SFMBT2: variants seen among roughly 807,000 people sequenced by gnomAD.
SFMBT2 encodes scm-like with four MBT domains protein 2.
A neutral mutation model predicts 110.1 loss-of-function variants in SFMBT2; 38 were observed. The observed-to-expected ratio is 0.35, with a 90% confidence interval of 0.27 to 0.45. SFMBT2 has a LOEUF of 0.45. SFMBT2 is among the 20% of genes least tolerant of loss of function. The probability of loss-of-function intolerance (pLI) is 1.00; values close to 1 mark genes in which losing one functional copy is unlikely to be tolerated. For synonymous variants in SFMBT2, 425 were observed against 425.4 expected (o/e 1.00, Z 0.01); for missense variants, 1,011 against 1,094.9 (o/e 0.92, Z 1.08).
intron 4 of SFMBT2, among the ~76,000 whole-genome samples, chr10:7,326,779 A>C (rs759793146): frequency 6.6e-6 from 1 of 152,130 alleles, no homozygotes; most frequent in Non-Finnish European, 1.5e-5. Context: ...GAAAACCTCA[A>C]ATCTCTGGCT....
intron 11 of SFMBT2, among the ~76,000 whole-genome samples, chr10:7,208,648 T>C (rs1839229526): frequency 6.7e-6 from 1 of 148,896 alleles, no homozygotes; most frequent in African/African-American, 2.5e-5. Context: ...ATCACGCCAC[T>C]GCGCTCCAGC....
chr10:7,202,292 G>A (rs1410874362), intron 13 of SFMBT2, 188 bp downstream of exon 13: 1 of 292,332 alleles, frequency 3.4e-6, no homozygotes, highest in Non-Finnish European at 5.1e-6. Context: ...AGTGCCTTGG[G>A]GAGCAGGCAC....
In SFMBT2 at chr10:7,244,114, T is replaced by C. The variant is rs550253564; in HGVS notation, c.973-409A>G. ...CCAGCACCAAACTCTTTACACCAGA[T>C]CACTCAAGAATCTCCAAGATCTGGC... On this transcript the variant is annotated intron_variant, in intron 8 of 20. Transcript: ENST00000397167. 26 of 588,634 alleles carry C rather than the reference T, an allele frequency of 4.4e-5. No individual in the cohort carries two copies. The African/African-American group carries it at 4.8e-4, about 11-fold the overall frequency. The allele number at this position is 588,634 out of a possible 1,614,324, so 36.5% of individuals were successfully genotyped here.
intron 7 of SFMBT2, among the ~76,000 whole-genome samples, chr10:7,269,040 C>G (rs1327251): frequency 0.89 from 134,713 of 151,978 alleles, 59,719 homozygotes; most frequent in East Asian, 0.93. Flanking sequence ...TAACAGGGTT[C>G]GTCTTCAAGA....
chr10:7,224,634 C>T (rs1839848327), intron 10 of SFMBT2, among the ~76,000 whole-genome samples: 1 of 152,158 alleles, frequency 6.6e-6, no homozygotes, highest in Non-Finnish European at 1.5e-5. Context: ...TTCAAATAGT[C>T]GTTTTTGGTC....
intron 4 of SFMBT2, among the ~76,000 whole-genome samples, chr10:7,311,797 A>G (rs118111712): frequency 0.033 from 5,026 of 152,336 alleles, 123 homozygotes; most frequent in Non-Finnish European, 0.054. Flanking sequence ...ATGCCTCTAA[A>G]AAAGGGGGTT....
Position 7,286,445 on chromosome 10 carries a change from G to C in SFMBT2, c.437-491C>G, listed in dbSNP as rs147371739. 9.2e-5 allele frequency: 79 copies of C among 854,894 alleles called. No individual in the cohort carries two copies. In the African/African-American group the frequency reaches 1.3e-3, roughly 14 times the overall value. The allele number at this position is 854,894 out of a possible 1,614,324, so 53.0% of individuals were successfully genotyped here. A position where few individuals can be genotyped will look rare whatever the true frequency, so the allele number is the denominator to read the frequency against. On this transcript the variant is annotated intron_variant, in intron 4 of 20. Transcript: ENST00000397167. The stretch of plus-strand genomic sequence containing the variant: ...GGACTGAAGGTGAAATGGAGAAATA[G>C]AGAAATGGGGAGAATAAGTAGTCCC...
chr10:7,254,629 G>A (rs1840936775), intron 7 of SFMBT2, among the ~76,000 whole-genome samples: 1 of 151,984 alleles, frequency 6.6e-6, no homozygotes, highest in South Asian at 2.1e-4. Context: ...AGACCATCCT[G>A]GCCAACATGG....
At chr10:7,311,969 CA>C (rs1025869435) in intron 4 of SFMBT2, among the ~76,000 whole-genome samples, 3 of 151,828 alleles carry the variant, frequency 2.0e-5, no homozygotes, top group Middle Eastern at 3.4e-3. Flanking sequence ...GAAGCACTTA[CA>C]AAAAATACAG....
At chr10:7,222,210 G>A (rs1839764486) in intron 10 of SFMBT2, among the ~76,000 whole-genome samples, 1 of 152,202 alleles carries the variant, frequency 6.6e-6, no homozygotes, top group Non-Finnish European at 1.5e-5. Flanking sequence ...TGAGTAGTTT[G>A]TACAGATGCA....
At position 7,354,099 on chromosome 10, in the gene SFMBT2, A is replaced by AAAAT. The variant is rs1441630139; in HGVS notation, c.436+13549_436+13550insATTT. On this transcript the variant is annotated intron_variant, in intron 4 of 20. Coordinates refer to ENST00000397167, the MANE Select transcript of SFMBT2 (RefSeq NM_001387889.1). ...GAGACTCCCTCTCCAAAAAAAAAAA[A>AAAAT]ATATAAATAAAACAAAAAAATAAAT... 5.7e-3 allele frequency among the ~76,000 whole-genome samples: 859 copies of AAAAT among 151,330 alleles called. 11 individuals are homozygous for AAAAT. Among genetic ancestry groups the AAAAT allele is most frequent in the African/African-American group, 0.019 (800 of 41,236 alleles).
chr10:7,280,701 T>A (rs1841927408), intron 6 of SFMBT2, among the ~76,000 whole-genome samples: 1 of 152,172 alleles, frequency 6.6e-6, no homozygotes, highest in African/African-American at 2.4e-5. Flanking sequence ...CAGCAAGATA[T>A]CCTTATCCCC....
At chr10:7,294,771 C>T (rs573823939) in intron 4 of SFMBT2, among the ~76,000 whole-genome samples, 2 of 152,282 alleles carry the variant, frequency 1.3e-5, no homozygotes, top group South Asian at 2.1e-4. Context: ...CAGTGCTCTC[C>T]GTCCTTGGGA....
chr10:7,375,751 C>CCACACACACA lies in SFMBT2; in HGVS notation c.101-5386_101-5377dup, dbSNP rs35306837. ...AGTTACTCTAGGAGAAAAGAAAAAA[C>CCACACACACA]CACACACACACACACACACACACAC... On this transcript the variant is annotated intron_variant, in intron 2 of 20. Transcript: ENST00000397167. Among the ~76,000 whole-genome samples the CCACACACACA allele has an allele frequency of 9.7e-4, 121 of 124,772 alleles. 1 individual carries two copies. The highest frequency in any genetic ancestry group is 1.5e-3 in the Non-Finnish European group (91 of 60,446). 81.9% of individuals were successfully genotyped at this position (124,772 alleles called of 152,430 possible). A position where few individuals can be genotyped will look rare whatever the true frequency, so the allele number is the denominator to read the frequency against.
intron 4 of SFMBT2, chr10:7,348,323 A>G: frequency 6.5e-7 from 1 of 1,529,888 alleles, no homozygotes; most frequent in Non-Finnish European, 8.8e-7. Context: ...ATGGCTTGAC[A>G]TCACTCTCTA....
At chr10:7,341,415 A>G (rs1843898842) in intron 4 of SFMBT2, among the ~76,000 whole-genome samples, 1 of 152,242 alleles carries the variant, frequency 6.6e-6, no homozygotes, top group Non-Finnish European at 1.5e-5. Flanking sequence ...TCCGTTCCCA[A>G]GACATCATTT....
At chr10:7,180,228 G>C (rs1199802594) in intron 16 of SFMBT2, among the ~76,000 whole-genome samples, 1 of 151,864 alleles carries the variant, frequency 6.6e-6, no homozygotes, top group Non-Finnish European at 1.5e-5. Flanking sequence ...GGGTTCTAGC[G>C]ATTCTCATGC....
At chr10:7,287,617 C>T (rs562983070) in intron 4 of SFMBT2, among the ~76,000 whole-genome samples, 1 of 152,164 alleles carries the variant, frequency 6.6e-6, no homozygotes, top group Non-Finnish European at 1.5e-5. Context: ...ATGAACCACC[C>T]ATCACAGCCA....
chr10:7,199,738 A>T (rs1031391140), intron 14 of SFMBT2, among the ~76,000 whole-genome samples: 1 of 152,236 alleles, frequency 6.6e-6, no homozygotes, highest in African/African-American at 2.4e-5. Context: ...ACTGCTCTTT[A>T]CTACCAAGAT....
Sources: allele counts gnomAD v4.1 joint callset (sites outside exome capture counted in the v4.1 genomes callset), GRCh38; gene constraint gnomAD v4.1.1; transcripts MANE v1.5; gene names NCBI Gene and HGNC (gene_info 2026-07-23, HGNC 2026-07-21).